Variants in TRIM16 observed in about 807,000 individuals in gnomAD.
TRIM16 encodes tripartite motif containing 16.
In TRIM16, 33 loss-of-function variants were observed where a neutral mutation model predicts 50.4. The ratio of observed to expected loss-of-function variants is 0.65; its 90% CI spans 0.50 to 0.88. The LOEUF (loss-of-function observed/expected upper bound fraction) is 0.88. Among genes scored for constraint, TRIM16 ranks in the 40% least tolerant of loss-of-function variants. The pLI, the probability that TRIM16 is intolerant of heterozygous loss-of-function variation, is 0.00. For synonymous variants in TRIM16, 229 were observed against 270.7 expected, an observed-to-expected ratio of 0.85 and a Z score of 1.51; for missense variants, 581 against 686.8, an observed-to-expected ratio of 0.85 and a Z score of 1.72.
intron 6 of TRIM16, among the ~76,000 whole-genome samples, chr17:15,674,223 A>G (rs1432734550): frequency 6.6e-6 from 1 of 152,070 alleles, no homozygotes; most frequent in Non-Finnish European, 1.5e-5. Context: ...TACAAAAATT[A>G]GCCGGGCATG....
intron 6 of TRIM16, among the ~76,000 whole-genome samples, chr17:15,676,566 G>T (rs1166289094): frequency 2.0e-5 from 3 of 151,190 alleles, no homozygotes; most frequent in African/African-American, 7.3e-5. Context: ...CTCCCAAGTA[G>T]CTGGGACTAC....
In TRIM16 at chr17:15,683,129, C is replaced by T. The variant is rs1423651768; in HGVS notation, c.-870G>A. The T allele has an allele frequency of 6.5e-7, 1 of 1,550,110 alleles. No homozygotes were observed. Among genetic ancestry groups the T allele is most frequent in the Non-Finnish European group, 8.7e-7 (1 of 1,146,850 alleles). On this transcript the variant is annotated 5_prime_UTR_variant, in exon 2 of 12. Transcript: ENST00000649191. ...AACCTTTCCGTTCTCCACGTATCTT[C>T]CTGGAAATTGCCAGCATTCTACCAG... is the stretch of plus-strand genomic sequence containing the variant.
rs577990406 is a variant in TRIM16, at chr17:15,643,921, T to A, written c.520-1105A>T. On this transcript the variant is annotated intron_variant, in intron 7 of 11. Transcript: ENST00000649191. ...ATAGGAAAAACAAACTTTCTTTGTC[T>A]TATAGTCACACAACACAGAACACTT... 7.7e-3 allele frequency among the ~76,000 whole-genome samples: 1,173 copies of A among 152,240 alleles called. 13 individuals carry two copies. The highest frequency in any genetic ancestry group is 0.014 in the Admixed American group (220 of 15,294).
At chr17:15,683,720 C>G (rs551953098) in intron 1 of TRIM16, 1 of 154,990 alleles carries the variant, frequency 6.5e-6, no homozygotes, top group African/African-American at 2.4e-5. Context: ...GAACACGAGA[C>G]ACAGAGAGTA....
At chr17:15,666,613 CATT>C (rs913201263) in intron 6 of TRIM16, among the ~76,000 whole-genome samples, 1 of 152,196 alleles carries the variant, frequency 6.6e-6, no homozygotes, top group African/African-American at 2.4e-5. Flanking sequence ...TGAGTTTTAT[CATT>C]ATAAATTAGT....
chr17:15,659,158 T>C (rs894739601), intron 6 of TRIM16, among the ~76,000 whole-genome samples: 1 of 152,204 alleles, frequency 6.6e-6, no homozygotes, highest in Non-Finnish European at 1.5e-5. Flanking sequence ...ACCCCACTAC[T>C]GGATGAAGAA....
intron 4 of TRIM16, 147 bp downstream of exon 4, chr17:15,680,718 C>T: frequency 1.2e-6 from 1 of 813,154 alleles, no homozygotes; most frequent in Non-Finnish European, 1.9e-6. Context: ...TCCTTTCAAA[C>T]TGCTGTGGCT....
At chr17:15,671,656 C>T (rs1474220852) in intron 6 of TRIM16, among the ~76,000 whole-genome samples, 2 of 151,962 alleles carry the variant, frequency 1.3e-5, no homozygotes, top group African/African-American at 2.4e-5. Context: ...AAATCAGCAA[C>T]GAAAGCCCTA....
At chr17:15,647,092 G>A (rs1987424734) in intron 7 of TRIM16, among the ~76,000 whole-genome samples, 1 of 151,434 alleles carries the variant, frequency 6.6e-6, no homozygotes, top group Non-Finnish European at 1.5e-5. Flanking sequence ...TCAGCCTCCT[G>A]AGTAGTTGGG....
intron 9 of TRIM16, among the ~76,000 whole-genome samples, chr17:15,635,560 A>C (rs1333261205): frequency 7.6e-6 from 1 of 132,342 alleles, no homozygotes; most frequent in Non-Finnish European, 1.6e-5. Flanking sequence ...CTACCAAGCA[A>C]ACCTCCATGC....
chr17:15,629,208 C>T lies in TRIM16; in HGVS notation c.1112-10G>A. On this transcript the variant is annotated splice_polypyrimidine_tract_variant and intron_variant, in intron 11 of 11. Transcript: ENST00000649191. ...GTGATGTCATACGCATCTGAGGAGA[C>T]ACAGAAGGCAGGAGAGTGGTTCAGG... 1.9e-6 allele frequency: 3 copies of T among 1,587,546 alleles called. No individual in the cohort carries two copies. The highest frequency in any genetic ancestry group is 2.3e-5 in the South Asian group (2 of 86,694).
rs577776890 is a variant in TRIM16 at position 15,635,932 on chromosome 17, A to G, written c.849+104T>C. On this transcript the variant is annotated intron_variant, in intron 9 of 11. Transcript: ENST00000649191. ...GTTCCCACTGCTCCCTGTGCACACC[A>G]TTTAACAAAAAACAGTTCCATTCAC... is the stretch of plus-strand genomic sequence containing the variant. 80 of 1,073,478 alleles carry G rather than the reference A, an allele frequency of 7.5e-5. 1 individual carries two copies. The highest frequency in any genetic ancestry group is 5.5e-4 in the Middle Eastern group (2 of 3,620). The allele number at this position is 1,073,478 out of a possible 1,614,324, so 66.5% of individuals were successfully genotyped here. A position where few individuals can be genotyped will look rare whatever the true frequency, so the allele number is the denominator to read the frequency against.
At chr17:15,634,086 T>C (rs1307236860) in intron 9 of TRIM16, among the ~76,000 whole-genome samples, 1 of 146,684 alleles carries the variant, frequency 6.8e-6, no homozygotes, top group East Asian at 2.2e-4. Flanking sequence ...TCCCAGCACT[T>C]TGTGGGGCCG....
intron 6 of TRIM16, among the ~76,000 whole-genome samples, chr17:15,667,772 G>A (rs1373320629): frequency 6.6e-6 from 1 of 152,044 alleles, no homozygotes. Flanking sequence ...TTCTACCACA[G>A]GGGTACACAA....
At position 15,651,391 on chromosome 17, in the gene TRIM16, T is replaced by A; in HGVS notation, c.219A>T (p.Lys73Asn). 6.2e-7 allele frequency: 1 copy of A among 1,614,244 alleles called. No homozygotes were observed. Among genetic ancestry groups the A allele is most frequent in the Non-Finnish European group, 8.5e-7 (1 of 1,180,036 alleles). ...CAAGGCAGAAGTCACACAGGACCTCTTTCCCCTCACCAGCAGGATCCCCCT... is the reference window on the plus strand; with the variant it reads ...CAAGGCAGAAGTCACACAGGACCTCATTCCCCTCACCAGCAGGATCCCCCT... ...AEQGDPAGEG[K>N]EVLCDFCLDD... is the part of the protein sequence containing the mutation. Residue 73 changes from lysine (K) to asparagine (N), a missense_variant, in exon 7 of 12, where the codon AAA becomes AAT. Physicochemically the swap from Lys to Asn is moderately conservative, Grantham distance 94 (BLOSUM62 0). Around this residue, in one of 3 missense-constraint regions of TRIM16, gnomAD observed 450 missense variants for 544.3 expected, o/e 0.83. Transcript: ENST00000649191.
In TRIM16 at chr17:15,651,174, G is replaced by C; in HGVS notation, c.436C>G (p.Gln146Glu). ...SPLSAFCCPD[Q>E]QCICQDCCQE... ...CAACAGTCCTGGCAGATGCACTGCT[G>C]ATCAGGGCAGCAGAAGGCAGACAGT... is the stretch of plus-strand genomic sequence containing the variant. The change falls in exon 7 of 12, where the codon CAG becomes GAG. Residue 146 changes from glutamine to glutamate, a missense_variant. Transcript: ENST00000649191. The C allele has an allele frequency of 6.2e-7, 1 of 1,614,228 alleles. No individual in the cohort carries two copies. Among genetic ancestry groups the C allele is most frequent in the Non-Finnish European group, 8.5e-7 (1 of 1,180,046 alleles).
chr17:15,654,213 G>T (rs55905427), intron 6 of TRIM16: 2 of 152,190 alleles, frequency 1.3e-5, no homozygotes, highest in African/African-American at 4.8e-5. Flanking sequence ...AGAAGGCACC[G>T]AAGACTTTAC....
intron 7 of TRIM16, among the ~76,000 whole-genome samples, chr17:15,644,202 T>C (rs1406641941): frequency 6.6e-6 from 1 of 152,116 alleles, no homozygotes; most frequent in East Asian, 1.9e-4. Flanking sequence ...TTTGTTTATT[T>C]TGAGATGGAG....
intron 7 of TRIM16, among the ~76,000 whole-genome samples, chr17:15,645,197 G>A (rs2150911818): frequency 6.6e-6 from 1 of 152,286 alleles, no homozygotes; most frequent in African/African-American, 2.4e-5. Flanking sequence ...TTGCTTCATA[G>A]GATTAGGAAA....
Sources: allele counts gnomAD v4.1 joint callset (sites outside exome capture counted in the v4.1 genomes callset), GRCh38; gene constraint gnomAD v4.1.1; regional missense constraint gnomAD v4.1.1; transcripts MANE v1.5; gene names NCBI Gene and HGNC (gene_info 2026-07-23, HGNC 2026-07-21).